Variants in ERC2 observed in about 807,000 individuals in gnomAD.
ERC2 encodes ELKS/RAB6-interacting/CAST family member 2, also known as ERC protein 2.
In ERC2, 42 loss-of-function variants were observed where a neutral mutation model predicts 114.8. The ratio of observed to expected loss-of-function variants is 0.37; its 90% CI spans 0.29 to 0.47. The LOEUF (loss-of-function observed/expected upper bound fraction) is 0.47, where lower values mean the gene tolerates loss of function less well. Ranked by LOEUF, ERC2 falls within the 20% of genes least tolerant of loss-of-function variation. The probability of loss-of-function intolerance (pLI) is 0.99; values close to 1 mark genes in which losing one functional copy is unlikely to be tolerated. For synonymous variants in ERC2, 454 were observed against 425.5 expected (o/e 1.07, Z -0.82); for missense variants, 939 against 1,150.7 (o/e 0.82, Z 2.66).
At chr3:55,718,200 T>A (rs144786089) in intron 15 of ERC2, among the ~76,000 whole-genome samples, 1 of 152,286 alleles carries the variant, frequency 6.6e-6, no homozygotes, top group African/African-American at 2.4e-5. Flanking sequence ...AAAACAGATC[T>A]ATTAAAACAA....
At chr3:56,198,038 CAT>C (rs1410248986) in intron 3 of ERC2, among the ~76,000 whole-genome samples, 8 of 152,160 alleles carry the variant, frequency 5.3e-5, no homozygotes, top group African/African-American at 1.9e-4. Flanking sequence ...CACACACACA[CAT>C]GTTGCATGCA....
chr3:56,398,234 T>C (rs1248995780), intron 2 of ERC2, among the ~76,000 whole-genome samples: 4 of 152,230 alleles, frequency 2.6e-5, no homozygotes, highest in East Asian at 1.9e-4. Context: ...TGTACACTTA[T>C]GTGAGAGTAT....
intron 6 of ERC2, among the ~76,000 whole-genome samples, chr3:56,087,981 A>T (rs551491959): frequency 6.6e-6 from 1 of 152,038 alleles, no homozygotes; most frequent in East Asian, 1.9e-4. Context: ...CTCACATCCA[A>T]CTCTCCTTTC....
chr3:56,210,417 T>C (rs1336385599), intron 3 of ERC2, among the ~76,000 whole-genome samples: 1 of 152,248 alleles, frequency 6.6e-6, no homozygotes. Flanking sequence ...TATTGCCTGA[T>C]GGCATATTCT....
intron 17 of ERC2, among the ~76,000 whole-genome samples, chr3:55,565,139 C>T (rs928686731): frequency 6.6e-6 from 1 of 152,080 alleles, no homozygotes; most frequent in African/African-American, 2.4e-5. Context: ...CATGGACTGC[C>T]TCCCACCAGA....
intron 17 of ERC2, among the ~76,000 whole-genome samples, chr3:55,512,364 T>C (rs1314181913): frequency 6.6e-6 from 1 of 152,182 alleles, no homozygotes; most frequent in African/African-American, 2.4e-5. Flanking sequence ...AGCCAGAAAG[T>C]TAGGGAGTTC....
rs114597719 is a variant in ERC2, at chr3:56,186,619, C to T, written c.1075-13099G>A. Among the ~76,000 whole-genome samples, 389 of 152,200 alleles carry T rather than the reference C, an allele frequency of 2.6e-3. 1 individual carries two copies. The highest frequency in any genetic ancestry group is 0.018 in the South Asian group (85 of 4,816). On this transcript the variant is annotated intron_variant, in intron 3 of 17. Transcript: ENST00000288221. ...TGATCTCAGCTCACTGCAACCTCTGCCCTCTGCCTCCTGGGTTCAGGTGAT... is the reference window on the plus strand; with the variant it reads ...TGATCTCAGCTCACTGCAACCTCTGTCCTCTGCCTCCTGGGTTCAGGTGAT...
At chr3:56,459,271 T>G (rs190045800) in intron 1 of ERC2, among the ~76,000 whole-genome samples, 25 of 152,334 alleles carry the variant, frequency 1.6e-4, no homozygotes, top group Non-Finnish European at 3.5e-4. Flanking sequence ...GTCATACCAT[T>G]TAGCAGAAAT....
intron 17 of ERC2, among the ~76,000 whole-genome samples, chr3:55,549,289 A>C (rs1331754451): frequency 6.6e-6 from 1 of 152,044 alleles, no homozygotes; most frequent in Non-Finnish European, 1.5e-5. Context: ...TCCTGCAAAA[A>C]AAAAGGCCTC....
At chr3:55,744,888 G>A (rs1296047072) in intron 14 of ERC2, among the ~76,000 whole-genome samples, 1 of 152,198 alleles carries the variant, frequency 6.6e-6, no homozygotes, top group African/African-American at 2.4e-5. Context: ...AAGGGATCAC[G>A]CATGTAAAGA....
At position 56,160,127 on chromosome 3, in the gene ERC2, C is replaced by T. The variant is rs138655317; in HGVS notation, c.1150-10995G>A. Reference sequence around the variant, plus strand: ...TGTATTACCACCAACAGTGTATAAGCGTTTCCATTTCTCCACAACCTCACT... The same window carrying T: ...TGTATTACCACCAACAGTGTATAAGTGTTTCCATTTCTCCACAACCTCACT... On this transcript the variant is annotated intron_variant, in intron 4 of 17. Transcript: ENST00000288221. Among the ~76,000 whole-genome samples, 36 of 152,240 alleles carry T rather than the reference C, an allele frequency of 2.4e-4. No homozygotes were observed. In the East Asian group the frequency reaches 6.4e-3, roughly 27 times the overall value.
Position 56,412,552 on chromosome 3 carries a change from G to A in ERC2, c.657+21799C>T, listed in dbSNP as rs75426984. On this transcript the variant is annotated intron_variant, in intron 2 of 17. Coordinates refer to ENST00000288221, the MANE Select transcript of ERC2 (RefSeq NM_015576.3). Reference sequence around the variant, plus strand: ...GCTCTAGGCTACATACTGGGTCTTCGGACATCTGGACTAGCCCCTTCTTCA... The same window carrying A: ...GCTCTAGGCTACATACTGGGTCTTCAGACATCTGGACTAGCCCCTTCTTCA... Among the ~76,000 whole-genome samples, 269 of 152,256 alleles carry A rather than the reference G, an allele frequency of 1.8e-3. 2 individuals carry two copies. The highest frequency in any genetic ancestry group is 5.6e-3 in the African/African-American group (231 of 41,534).
chr3:56,414,933 G>A (rs1192190935), intron 2 of ERC2, among the ~76,000 whole-genome samples: 2 of 152,208 alleles, frequency 1.3e-5, no homozygotes, highest in Non-Finnish European at 2.9e-5. Flanking sequence ...ACCAAGGGGT[G>A]GACCAGAGGA....
chr3:56,201,394 CT>C (rs1284089164), intron 3 of ERC2, among the ~76,000 whole-genome samples: 17 of 152,328 alleles, frequency 1.1e-4, no homozygotes, highest in African/African-American at 1.9e-4. Flanking sequence ...TCAGTTCACT[CT>C]TCTCAGAAGA....
In ERC2 at chr3:56,149,446, G is replaced by C. The variant is rs76148362; in HGVS notation, c.1150-314C>G. ...AATCTAAGTGTTAAAAAACAAAACA[G>C]AACACCATTTAAGTGGACAGATTTT... On this transcript the variant is annotated intron_variant, in intron 4 of 17. Coordinates refer to ENST00000288221, the MANE Select transcript of ERC2 (RefSeq NM_015576.3). Among the ~76,000 whole-genome samples the C allele has an allele frequency of 3.5e-4, 53 of 152,216 alleles. 1 individual carries two copies. In the East Asian group the frequency reaches 6.6e-3, roughly 19 times the overall value.
chr3:56,276,459 T>TC (rs2053995304), intron 3 of ERC2, among the ~76,000 whole-genome samples: 1 of 82,916 alleles, frequency 1.2e-5, no homozygotes, highest in Non-Finnish European at 2.4e-5. Flanking sequence ...CAAACTCAGC[T>TC]AAAAAAAAAA....
intron 3 of ERC2, among the ~76,000 whole-genome samples, chr3:56,250,329 G>C (rs2052057608): frequency 6.6e-6 from 1 of 152,230 alleles, no homozygotes; most frequent in South Asian, 2.1e-4. Context: ...TGAGGCAAGA[G>C]ACAGGAGTAG....
intron 2 of ERC2, among the ~76,000 whole-genome samples, chr3:56,422,868 A>C (rs1165564881): frequency 6.6e-6 from 1 of 152,210 alleles, no homozygotes; most frequent in African/African-American, 2.4e-5. Context: ...CACACATGGA[A>C]AGAAACTAGC....
At chr3:56,030,049 T>C (rs898497726) in intron 7 of ERC2, among the ~76,000 whole-genome samples, 17 of 152,164 alleles carry the variant, frequency 1.1e-4, no homozygotes, top group African/African-American at 3.4e-4. Context: ...TGTTTTTCCT[T>C]TGAAACTTCA....
Sources: allele counts gnomAD v4.1 joint callset (sites outside exome capture counted in the v4.1 genomes callset), GRCh38; gene constraint gnomAD v4.1.1; transcripts MANE v1.5; gene names NCBI Gene and HGNC (gene_info 2026-07-23, HGNC 2026-07-21).